Variants in MTF1 observed in about 807,000 individuals in gnomAD.
The protein encoded by MTF1 is metal regulatory transcription factor 1, also known as MRE-binding transcription factor.
A neutral mutation model predicts 70.4 loss-of-function variants in MTF1; 22 were observed. The ratio of observed to expected loss-of-function variants is 0.31; its 90% CI spans 0.22 to 0.45. The LOEUF is 0.45. Among genes scored for constraint, MTF1 ranks in the 20% least tolerant of loss-of-function variants. MTF1 has a pLI of 1.00. For synonymous variants in MTF1, 333 were observed against 352.8 expected (o/e 0.94, Z 0.63); for missense variants, 649 against 922.0 (o/e 0.70, Z 3.83).
Position 37,857,356 on chromosome 1 carries a change from A to G in MTF1, c.303T>C (p.Asp101=). The change falls in exon 2 of 11, where the codon GAT becomes GAC. Residue 101 remains aspartate (D), a synonymous_variant. Coordinates refer to ENST00000373036, the MANE Select transcript of MTF1 (RefSeq NM_005955.3). ...QGYVQHIISP[D]QIHLTINPGS... Reference sequence around the variant, plus strand: ...CAGGGTTTATTGTCAAATGAATCTGATCTGGTGAGATAATGTGCTGCACAT... The same window carrying G: ...CAGGGTTTATTGTCAAATGAATCTGGTCTGGTGAGATAATGTGCTGCACAT... 1 of 1,614,188 alleles carries G rather than the reference A, an allele frequency of 6.2e-7. No individual in the cohort carries two copies. The highest frequency in any genetic ancestry group is 1.1e-5 in the South Asian group (1 of 91,082).
intron 2 of MTF1, among the ~76,000 whole-genome samples, chr1:37,847,783 C>T (rs1055078277): frequency 6.6e-6 from 1 of 152,042 alleles, no homozygotes; most frequent in Non-Finnish European, 1.5e-5. Context: ...CTCACTTGAG[C>T]CCAGAAGTTC....
chr1:37,854,257 C>T (rs1641457742), intron 2 of MTF1, among the ~76,000 whole-genome samples: 1 of 152,240 alleles, frequency 6.6e-6, no homozygotes, highest in African/African-American at 2.4e-5. Context: ...GATCCACCAG[C>T]CTTGGCCTCC....
chr1:37,839,846 G>T, intron 3 of MTF1, 74 bp downstream of exon 3: 1 of 1,218,576 alleles, frequency 8.2e-7, no homozygotes, highest in Non-Finnish European at 1.2e-6. Context: ...CAACTCCTCT[G>T]CAAGGGGAAA....
chr1:37,828,633 G>A (rs1390756456), intron 7 of MTF1, among the ~76,000 whole-genome samples: 1 of 152,156 alleles, frequency 6.6e-6, no homozygotes, highest in Non-Finnish European at 1.5e-5. Flanking sequence ...CGGGGTGCTG[G>A]TTACATGGGT....
In MTF1 at chr1:37,815,858, TGTG is replaced by T. The variant is rs1441657180; in HGVS notation, c.1832-295_1832-293del. 1.3e-5 allele frequency among the ~76,000 whole-genome samples: 2 copies of T among 152,130 alleles called. No homozygotes were observed. Among genetic ancestry groups the T allele is most frequent in the Non-Finnish European group, 2.9e-5 (2 of 68,012 alleles). ...CAGTCATTCTCCATTGCACCCTCCC[TGTG>T]GAGGCCTACTTTTCCTGACACGTTC... On this transcript the variant is annotated intron_variant, in intron 10 of 10. Coordinates refer to ENST00000373036, the MANE Select transcript of MTF1 (RefSeq NM_005955.3). The surrounding 1 kb of genome is among the most constrained non-coding windows in gnomAD (Gnocchi z 4.5).
rs112642117 is a variant in MTF1, at chr1:37,832,246, G to A, written c.1067C>T (p.Thr356Met). ...CACTGGTATTACAGGTACACTTACC[G>A]TACTGGAATTTTCTCGCAATTCAGA... ...TDSELRENSS[T>M]TQGQDLSTIS... The change falls in exon 7 of 11, where the codon ACG becomes ATG. Residue 356 changes from threonine (T) to methionine (M), a missense_variant and splice_region_variant. Physicochemically the swap from Thr to Met is moderately conservative, Grantham distance 81. This residue lies in a region of MTF1 where 267 missense variants were observed against 292.1 expected (regional missense o/e 0.91). Transcript: ENST00000373036. 24 of 1,605,402 alleles carry A rather than the reference G, an allele frequency of 1.5e-5. No individual in the cohort carries two copies. Among genetic ancestry groups the A allele is most frequent in the African/African-American group, 2.7e-5 (2 of 74,766 alleles).
At chr1:37,853,348 T>C (rs1641444668) in intron 2 of MTF1, among the ~76,000 whole-genome samples, 1 of 152,232 alleles carries the variant, frequency 6.6e-6, no homozygotes, top group Non-Finnish European at 1.5e-5. Context: ...TACTATGTTC[T>C]AGTCTAAGGG....
chr1:37,857,213 C>T (rs1641510983), intron 2 of MTF1, 38 bp downstream of exon 2: 2 of 1,582,496 alleles, frequency 1.3e-6, no homozygotes, highest in Middle Eastern at 1.7e-4. Context: ...GGACTTGCCC[C>T]AAAACCAAAC....
rs1641519127 is a variant in MTF1, at chr1:37,857,639, T to A, written c.20A>T (p.Asp7Val). 6.2e-7 allele frequency: 1 copy of A among 1,613,840 alleles called. No homozygotes were observed. Among genetic ancestry groups the A allele is most frequent in the African/African-American group, 1.3e-5 (1 of 74,940 alleles). ...TGCCTCAAAGTAGATGATGTTGTTG[T>A]CTGGACTGTGTTCCCCCATGGTTCA... MGEHSP[D>V]NNIIYFEAEE... Residue 7 changes from aspartate (D) to valine (V), a missense_variant, in exon 2 of 11, where the codon GAC becomes GTC. Around this residue, in one of 7 missense-constraint regions of MTF1, gnomAD observed 34 missense variants for 38.7 expected, o/e 0.88. Coordinates refer to ENST00000373036, the MANE Select transcript of MTF1 (RefSeq NM_005955.3).
At chr1:37,846,227 T>G (rs1266614833) in intron 2 of MTF1, among the ~76,000 whole-genome samples, 1 of 151,906 alleles carries the variant, frequency 6.6e-6, no homozygotes, top group African/African-American at 2.4e-5. Context: ...AAGAACAACA[T>G]GGTTTGAGAA....
At chr1:37,858,627 C>G (rs140097485) in intron 1 of MTF1, 1 of 152,168 alleles carries the variant, frequency 6.6e-6, no homozygotes, top group African/African-American at 2.4e-5. Flanking sequence ...GGCTCTCGTC[C>G]CTGAATCAAT....
chr1:37,817,196 A>C (rs1640833407), intron 10 of MTF1, among the ~76,000 whole-genome samples: 1 of 152,236 alleles, frequency 6.6e-6, no homozygotes, highest in Non-Finnish European at 1.5e-5. Flanking sequence ...AAGAACTGTT[A>C]CTAGTTAAAG....
chr1:37,838,876 C>G, intron 3 of MTF1, 120 bp from the exon 4 acceptor site: 1 of 730,090 alleles, frequency 1.4e-6, no homozygotes, highest in Middle Eastern at 4.5e-4. Flanking sequence ...GCAGTCTCGG[C>G]TCACTGCAAC....
At chr1:37,827,387 T>C (rs1180949126) in intron 7 of MTF1, among the ~76,000 whole-genome samples, 1 of 150,884 alleles carries the variant, frequency 6.6e-6, no homozygotes, top group Non-Finnish European at 1.5e-5. Context: ...AGACAGAGTC[T>C]CGCTCTGTTG....
intron 2 of MTF1, among the ~76,000 whole-genome samples, chr1:37,853,774 C>T (rs1641451330): frequency 6.6e-6 from 1 of 152,202 alleles, no homozygotes; most frequent in African/African-American, 2.4e-5. Flanking sequence ...CCTGTGCTCA[C>T]AGTGCAATAT....
chr1:37,815,319 G>A lies in MTF1; in HGVS notation c.2079C>T (p.Ser693=). Residue 693 remains serine, a synonymous_variant, in exon 11 of 11, where the codon TCC becomes TCT. Coordinates refer to ENST00000373036, the MANE Select transcript of MTF1 (RefSeq NM_005955.3). The surrounding 1 kb of genome is among the most constrained non-coding windows in gnomAD (Gnocchi z 4.5). The part of the protein sequence containing the change: ...VPGSSSSTLP[S]SCEQSRQAET... ...CTGCTTGTCGGCTTTGCTCACAGGA[G>A]GAGGGCAAGGTAGAGGATGATGACC... is the stretch of plus-strand genomic sequence containing the variant. 6.2e-7 allele frequency: 1 copy of A among 1,614,114 alleles called. No homozygotes were observed. Among genetic ancestry groups the A allele is most frequent in the South Asian group, 1.1e-5 (1 of 91,078 alleles).
chr1:37,818,393 G>C (rs1050470025), intron 9 of MTF1, among the ~76,000 whole-genome samples: 1 of 152,128 alleles, frequency 6.6e-6, no homozygotes, highest in Non-Finnish European at 1.5e-5. Context: ...GCCCAGCCTG[G>C]AACATAGTGA....
intron 7 of MTF1, among the ~76,000 whole-genome samples, chr1:37,831,176 G>T (rs1026031574): frequency 2.0e-5 from 3 of 151,646 alleles, no homozygotes; most frequent in Non-Finnish European, 4.4e-5. Context: ...TTTATATTTT[G>T]TCTAGAATTT....
intron 8 of MTF1, among the ~76,000 whole-genome samples, chr1:37,822,993 C>A (rs1488328672): frequency 6.6e-6 from 1 of 152,158 alleles, no homozygotes; most frequent in Admixed American, 6.5e-5. Flanking sequence ...GACTAAACAT[C>A]CTTTTTTTGA....
Sources: allele counts gnomAD v4.1 joint callset (sites outside exome capture counted in the v4.1 genomes callset), GRCh38; gene constraint gnomAD v4.1.1; regional missense constraint gnomAD v4.1.1; non-coding constraint Gnocchi (gnomAD v3.1); transcripts MANE v1.5; gene names NCBI Gene and HGNC (gene_info 2026-07-23, HGNC 2026-07-21).